Variants in PRKCH observed in about 807,000 individuals in gnomAD.
PRKCH encodes the protein protein kinase C eta.
A neutral mutation model predicts 82.5 loss-of-function variants in PRKCH; 28 were observed. The observed-to-expected ratio is 0.34, with a 90% CI of 0.25 to 0.47. The LOEUF (loss-of-function observed/expected upper bound fraction) is 0.47, where lower values mean the gene tolerates loss of function less well. PRKCH is among the 20% of genes least tolerant of loss of function. The pLI, the probability that PRKCH is intolerant of heterozygous loss-of-function variation, is 1.00. For missense variants in PRKCH, 705 were observed against 881.8 expected (o/e 0.80, Z 2.54); for synonymous variants, 322 against 327.4 (o/e 0.98, Z 0.18).
intron 9 of PRKCH, among the ~76,000 whole-genome samples, chr14:61,471,004 C>T (rs755546473): frequency 2.6e-5 from 4 of 152,050 alleles, no homozygotes; most frequent in Non-Finnish European, 5.9e-5. Context: ...GGAAACTAAC[C>T]TATCCCTGCA....
intron 1 of PRKCH, among the ~76,000 whole-genome samples, chr14:61,309,310 G>T (rs996039182): frequency 3.3e-5 from 5 of 152,162 alleles, no homozygotes; most frequent in African/African-American, 7.2e-5. Flanking sequence ...TGATTTGAAG[G>T]TTCTCTGCAA....
chr14:61,324,748 T>A (rs2045673081), intron 1 of PRKCH, among the ~76,000 whole-genome samples: 1 of 152,220 alleles, frequency 6.6e-6, no homozygotes, highest in Non-Finnish European at 1.5e-5. Flanking sequence ...TGTGAGCCAC[T>A]GCATCTGGCC....
intron 1 of PRKCH, among the ~76,000 whole-genome samples, chr14:61,324,648 G>A (rs143708536): frequency 2.6e-5 from 4 of 152,176 alleles, no homozygotes; most frequent in Non-Finnish European, 5.9e-5. Context: ...TAGAGATGGG[G>A]TCTTGCTACC....
chr14:61,531,408 G>A (rs2043042664), intron 12 of PRKCH, among the ~76,000 whole-genome samples: 1 of 152,208 alleles, frequency 6.6e-6, no homozygotes, highest in Non-Finnish European at 1.5e-5. Context: ...AGTATCTATG[G>A]CATAAGAATT....
At chr14:61,345,158 C>T (rs11622491) in intron 1 of PRKCH, among the ~76,000 whole-genome samples, 6,605 of 152,274 alleles carry the variant, frequency 0.043, 225 homozygotes, top group Non-Finnish European at 0.066. Context: ...GCTCTCCCTT[C>T]TCAAACCCTT....
intron 1 of PRKCH, among the ~76,000 whole-genome samples, chr14:61,330,839 A>G (rs1277560874): frequency 6.6e-6 from 1 of 152,174 alleles, no homozygotes; most frequent in Non-Finnish European, 1.5e-5. Context: ...CAGCCAAATC[A>G]TTACTGTTGC....
chr14:61,453,169 G>A, intron 6 of PRKCH, 57 bp from the exon 7 acceptor site: 2 of 1,602,898 alleles, frequency 1.2e-6, no homozygotes, highest in East Asian at 2.2e-5. Flanking sequence ...CTCTGTTGCA[G>A]CACATGTTGA....
At position 61,530,491 on chromosome 14, in the gene PRKCH, C is replaced by G; in HGVS notation, c.1657C>G (p.Pro553Ala). 1 of 1,612,588 alleles carries G rather than the reference C, an allele frequency of 6.2e-7. No individual in the cohort carries two copies. The highest frequency in any genetic ancestry group is 8.5e-7 in the Non-Finnish European group (1 of 1,179,300). ...CTATGAGATGCTCTGTGGTCACGCGCCTTTTGAGGCAGAGAACGAAGATGA... is the reference window on the plus strand; with the variant it reads ...CTATGAGATGCTCTGTGGTCACGCGGCTTTTGAGGCAGAGAACGAAGATGA... ...LLYEMLCGHA[P>A]FEAENEDDLF... The change falls in exon 12 of 14, where the codon CCT becomes GCT. Residue 553 changes from proline (P) to alanine (A), a missense_variant. Physicochemically the swap from Pro to Ala is conservative, Grantham distance 27. Around this residue, in one of 5 missense-constraint regions of PRKCH, gnomAD observed 115 missense variants for 193.8 expected, o/e 0.59. Coordinates refer to ENST00000332981, the MANE Select transcript of PRKCH (RefSeq NM_006255.5).
chr14:61,482,277 A>T (rs1035721457), intron 9 of PRKCH, among the ~76,000 whole-genome samples: 1 of 152,166 alleles, frequency 6.6e-6, no homozygotes, highest in African/African-American at 2.4e-5. Flanking sequence ...GATGACAGGC[A>T]TGAGCCACCA....
intron 2 of PRKCH, among the ~76,000 whole-genome samples, chr14:61,424,834 G>A (rs1404157511): frequency 6.6e-6 from 1 of 152,202 alleles, no homozygotes. Flanking sequence ...TCATGGACTG[G>A]GCCCAGGACC....
intron 9 of PRKCH, among the ~76,000 whole-genome samples, chr14:61,476,971 T>C (rs917369796): frequency 1.3e-5 from 2 of 152,238 alleles, no homozygotes; most frequent in African/African-American, 2.4e-5. Flanking sequence ...TCAGACATGG[T>C]GCAATCAGAT....
chr14:61,478,236 T>C (rs1025718683), intron 9 of PRKCH, among the ~76,000 whole-genome samples: 4 of 152,194 alleles, frequency 2.6e-5, no homozygotes, highest in Non-Finnish European at 4.4e-5. Flanking sequence ...AGTTGGGTTG[T>C]CTTATTATCC....
intron 1 of PRKCH, among the ~76,000 whole-genome samples, chr14:61,336,953 C>T (rs528486487): frequency 6.6e-6 from 1 of 151,224 alleles, no homozygotes; most frequent in East Asian, 1.9e-4. Context: ...CCTGTAATTC[C>T]AGCTACTTGG....
chr14:61,480,900 A>G (rs28442195), intron 9 of PRKCH, among the ~76,000 whole-genome samples: 1,890 of 152,186 alleles, frequency 0.012, 34 homozygotes, highest in African/African-American at 0.043. Context: ...TCAACTGCAC[A>G]GTCTTCCTGA....
intron 7 of PRKCH, 98 bp from the exon 8 acceptor site, chr14:61,457,077 TG>T: frequency 1.5e-6 from 2 of 1,328,286 alleles, no homozygotes; most frequent in Non-Finnish European, 2.1e-6. Context: ...CACGTTATAC[TG>T]GGGGTGAGAC....
chr14:61,222,002 T>TG (rs920756269), intron 1 of PRKCH, among the ~76,000 whole-genome samples: 1 of 152,158 alleles, frequency 6.6e-6, no homozygotes, highest in Middle Eastern at 3.2e-3. Flanking sequence ...GGGTCTGAGA[T>TG]GGGGGGAAGT....
intron 1 of PRKCH, among the ~76,000 whole-genome samples, chr14:61,341,168 G>A (rs1175609091): frequency 6.6e-6 from 1 of 152,136 alleles, no homozygotes; most frequent in Admixed American, 6.5e-5. Flanking sequence ...CCTGGGGAGG[G>A]TTCCCAATCG....
At chr14:61,317,065 T>C (rs1170613467), upstream of PRKCH, among the ~76,000 whole-genome samples, 6 of 152,198 alleles carry the variant, frequency 3.9e-5, no homozygotes, top group South Asian at 2.1e-4. Context: ...GTCAAACGTG[T>C]GACTTCAATC....
At chr14:61,339,621 C>CTT (rs1471980044) in intron 1 of PRKCH, among the ~76,000 whole-genome samples, 13 of 94,594 alleles carry the variant, frequency 1.4e-4, no homozygotes, top group Non-Finnish European at 2.5e-4. Flanking sequence ...CCAAGCCCGG[C>CTT]CTTTTTTTTT....
Sources: gnomAD v4.1 joint callset for allele counts (sites outside exome capture counted in the v4.1 genomes callset) on GRCh38, gnomAD v4.1.1 for gene constraint, gnomAD v4.1.1 regional missense constraint, MANE v1.5 for transcripts, NCBI Gene and HGNC (gene_info 2026-07-23, HGNC 2026-07-21) for gene names.